AP4E1: variants seen among roughly 807,000 people sequenced by gnomAD.
AP4E1 encodes the protein AP-4 complex subunit epsilon-1.
In AP4E1, 56 loss-of-function variants were observed where a neutral mutation model predicts 128.2. The observed-to-expected ratio is 0.44, with a 90% CI of 0.35 to 0.55. The LOEUF (loss-of-function observed/expected upper bound fraction) is 0.55, where lower values mean the gene tolerates loss of function less well. Ranked by LOEUF, AP4E1 falls within the 20% of genes least tolerant of loss-of-function variation. AP4E1 has a pLI of 0.00. For synonymous variants in AP4E1, 484 were observed against 473.1 expected (o/e 1.02, Z -0.30); for missense variants, 1,324 against 1,307.7 (o/e 1.01, Z -0.19).
At position 50,997,478 on chromosome 15, in the gene AP4E1, T is replaced by C; in HGVS notation, c.2499T>C (p.Asn833=). 6.2e-7 allele frequency: 1 copy of C among 1,614,036 alleles called. No individual in the cohort carries two copies. The highest frequency in any genetic ancestry group is 8.5e-7 in the Non-Finnish European group (1 of 1,179,960). ...NVAYEDDYYS[N]TLHDTGDKEL... ...CATATGAAGATGATTATTATTCGAA[T>C]ACTTTGCACGATACAGGAGACAAGG... The change falls in exon 18 of 21, where the codon AAT becomes AAC. Residue 833 remains asparagine, a synonymous_variant. Coordinates refer to ENST00000261842, the MANE Select transcript of AP4E1 (RefSeq NM_007347.5).
At chr15:50,934,727 T>C (rs1278348950) in intron 8 of AP4E1, 30 bp downstream of exon 8, 2 of 1,422,294 alleles carry the variant, frequency 1.4e-6, no homozygotes, top group South Asian at 1.2e-5. Context: ...ATTACTCTAA[T>C]GACTAATAAT....
chr15:50,996,155 ATTTTTTT>A (rs34048744), intron 17 of AP4E1, among the ~76,000 whole-genome samples: 2 of 113,416 alleles, frequency 1.8e-5, no homozygotes, highest in South Asian at 3.1e-4. Context: ...CGCCTGGCTA[ATTTTTTT>A]TTTTTTTTTT....
At chr15:50,943,987 A>T (rs1245454408) in intron 10 of AP4E1, among the ~76,000 whole-genome samples, 1 of 152,176 alleles carries the variant, frequency 6.6e-6, no homozygotes, top group Non-Finnish European at 1.5e-5. Context: ...AACCACAGAT[A>T]GGGGGTTTAT....
At position 50,993,522 on chromosome 15, in the gene AP4E1, A is replaced by T. The variant is rs767184592; in HGVS notation, c.2243A>T (p.Lys748Met). 2 of 1,614,084 alleles carry T rather than the reference A, an allele frequency of 1.2e-6. No individual in the cohort carries two copies. Among genetic ancestry groups the T allele is most frequent in the Admixed American group, 1.7e-5 (1 of 60,000 alleles). Residue 748 changes from lysine to methionine, a missense_variant, in exon 17 of 21, where the codon AAG (lysine) becomes ATG (methionine). Transcript: ENST00000261842. ...AATGTAGATCAAGCTATAACTAAAA[A>T]GGATCAATCTCAAGTTCTTACCCAA... ...MENVDQAITK[K>M]DQSQVLTQSK...
chr15:50,930,692 T>A (rs2063822500), intron 6 of AP4E1, 113 bp from the exon 7 acceptor site: 1 of 1,063,012 alleles, frequency 9.4e-7, no homozygotes. Flanking sequence ...TTTCATTAAA[T>A]GTGAACATAA....
chr15:50,961,822 T>G (rs1276708216), intron 14 of AP4E1, among the ~76,000 whole-genome samples: 1 of 152,052 alleles, frequency 6.6e-6, no homozygotes, highest in Admixed American at 6.6e-5. Flanking sequence ...TGTCCCTTTT[T>G]GCAGATGACA....
At chr15:50,994,224 CT>C (rs2064842300) in intron 17 of AP4E1, among the ~76,000 whole-genome samples, 1 of 152,100 alleles carries the variant, frequency 6.6e-6, no homozygotes, top group African/African-American at 2.4e-5. Context: ...GATTTTTAAA[CT>C]TTTTATACTG....
intron 13 of AP4E1, among the ~76,000 whole-genome samples, chr15:50,953,984 T>C (rs1195827131): frequency 1.3e-5 from 2 of 152,202 alleles, no homozygotes; most frequent in African/African-American, 4.8e-5. Context: ...TTGATGGCAG[T>C]TGGGTTCAGT....
chr15:50,909,080 T>C, intron 1 of AP4E1, 152 bp downstream of exon 1: 1 of 1,312,130 alleles, frequency 7.6e-7, no homozygotes, highest in Non-Finnish European at 1.0e-6. Flanking sequence ...TTCGTCTGCC[T>C]GGAAGCTTCA....
intron 13 of AP4E1, among the ~76,000 whole-genome samples, chr15:50,957,371 C>G (rs2064238551): frequency 6.6e-6 from 1 of 152,154 alleles, no homozygotes; most frequent in Non-Finnish European, 1.5e-5. Context: ...CCGCTTCTCT[C>G]TGACATCCAG....
chr15:50,949,675 A>G (rs537001023), intron 11 of AP4E1, 151 bp from the exon 12 acceptor site: 133 of 667,560 alleles, frequency 2.0e-4, no homozygotes, highest in Middle Eastern at 1.2e-3. Flanking sequence ...TATTTTACAT[A>G]AAACTGGGGT....
At chr15:50,913,700 A>G (rs1304353746) in intron 2 of AP4E1, among the ~76,000 whole-genome samples, 1 of 152,250 alleles carries the variant, frequency 6.6e-6, no homozygotes, top group East Asian at 1.9e-4. Context: ...TAGGGTTGAA[A>G]CTTAATGGCT....
At chr15:50,941,110 G>C (rs1694127382) in intron 8 of AP4E1, among the ~76,000 whole-genome samples, 1 of 152,132 alleles carries the variant, frequency 6.6e-6, no homozygotes, top group Admixed American at 6.6e-5. Flanking sequence ...CTTGAGGGCA[G>C]GATGTTTTTT....
upstream of AP4E1, chr15:50,908,579 T>A: frequency 1.6e-6 from 1 of 613,110 alleles, no homozygotes; most frequent in Non-Finnish European, 2.5e-6. Flanking sequence ...AGCGGCCTTT[T>A]CCACCCCCGC....
chr15:50,980,239 G>A (rs1165710475), intron 15 of AP4E1, among the ~76,000 whole-genome samples: 1 of 152,168 alleles, frequency 6.6e-6, no homozygotes, highest in Admixed American at 6.5e-5. Flanking sequence ...GTTGGAAACT[G>A]GAGTAAGGCC....
Position 50,941,651 on chromosome 15 carries a change from T to C in AP4E1, c.1067-15T>C. On this transcript the variant is annotated splice_polypyrimidine_tract_variant and intron_variant, in intron 9 of 20. Transcript: ENST00000261842. ...TTGTTTCAATTCACTTTGTATAATG[T>C]GTCTTTGTTTCTAGGACTGAAGGCT... 2 of 1,612,368 alleles carry C rather than the reference T, an allele frequency of 1.2e-6. No homozygotes were observed. Among genetic ancestry groups the C allele is most frequent in the South Asian group, 2.2e-5 (2 of 91,034 alleles).
At chr15:50,922,823 T>G (rs1266385263) in intron 3 of AP4E1, among the ~76,000 whole-genome samples, 3 of 151,188 alleles carry the variant, frequency 2.0e-5, no homozygotes, top group African/African-American at 4.9e-5. Context: ...TGTCGTCTGG[T>G]CTGGAGTGCA....
At chr15:50,991,126 G>C (rs1309617610) in intron 16 of AP4E1, among the ~76,000 whole-genome samples, 2 of 152,162 alleles carry the variant, frequency 1.3e-5, no homozygotes, top group Non-Finnish European at 2.9e-5. Context: ...GCCTTGGAAG[G>C]GGTGTGATCT....
In AP4E1 at chr15:50,950,114, T is replaced by C. The variant is rs2064127845; in HGVS notation, c.1493T>C (p.Leu498Ser). Residue 498 changes from leucine to serine, a missense_variant, in exon 13 of 21, where the codon TTA becomes TCA. Transcript: ENST00000261842. ...RLYAVQSYLT[L>S]LDMENVFYPQ... Reference sequence around the variant, plus strand: ...TATGCAGTTCAGTCTTATCTCACTTTACTGGATATGGAAAATGTGTTCTAT... The same window carrying C: ...TATGCAGTTCAGTCTTATCTCACTTCACTGGATATGGAAAATGTGTTCTAT... The C allele has an allele frequency of 2.5e-6, 4 of 1,613,430 alleles. No individual in the cohort carries two copies. The highest frequency in any genetic ancestry group is 2.2e-5 in the South Asian group (2 of 91,076).
Sources: allele counts gnomAD v4.1 joint callset (sites outside exome capture counted in the v4.1 genomes callset), GRCh38; gene constraint gnomAD v4.1.1; transcripts MANE v1.5; gene names NCBI Gene and HGNC (gene_info 2026-07-23, HGNC 2026-07-21).